SNX13: variants seen among roughly 807,000 people sequenced by gnomAD.
SNX13 encodes the protein sorting nexin-13.
SNX13 carries 45 observed loss-of-function variants against 133.6 expected under a neutral mutation model. The ratio of observed to expected loss-of-function variants is 0.34; its 90% CI spans 0.27 to 0.43. The LOEUF (loss-of-function observed/expected upper bound fraction) is 0.43, where lower values mean the gene tolerates loss of function less well. Among genes scored for constraint, SNX13 ranks in the 20% least tolerant of loss-of-function variants. SNX13 has a pLI of 1.00. For missense variants in SNX13, 1,032 were observed against 1,145.1 expected (o/e 0.90, Z 1.43); for synonymous variants, 414 against 373.9 (o/e 1.11, Z -1.24).
chr7:17,794,451 G>A (rs1361637949), intron 25 of SNX13, 159 bp from the exon 26 acceptor site: 1 of 801,638 alleles, frequency 1.2e-6, no homozygotes, highest in Non-Finnish European at 1.9e-6. Context: ...AACTTAATAT[G>A]CATCTTTGCA....
intron 20 of SNX13, among the ~76,000 whole-genome samples, chr7:17,809,226 A>T (rs1343541239): frequency 6.7e-6 from 1 of 149,590 alleles, no homozygotes; most frequent in Non-Finnish European, 1.5e-5. Flanking sequence ...ACATGCAAAG[A>T]CACACATAGG....
intron 1 of SNX13, chr7:17,899,457 T>C (rs1263417494): frequency 2.0e-5 from 3 of 152,108 alleles, no homozygotes; most frequent in African/African-American, 7.2e-5. Context: ...ATTTGCCCTT[T>C]TGAGGCTATT....
At chr7:17,796,268 C>T (rs1291801467) in intron 25 of SNX13, 1 of 151,804 alleles carries the variant, frequency 6.6e-6, no homozygotes, top group Non-Finnish European at 1.5e-5. Context: ...CAACAAAATG[C>T]TACTAAGTAT....
chr7:17,816,274 T>C lies in SNX13; in HGVS notation c.1861A>G (p.Ser621Gly). Reference protein sequence around the residue: ...RITEQFESLSSILKLPGKKTF... With the variant: ...RITEQFESLSGILKLPGKKTF... ...TTTTTTCCAGGAAGTTTCAATATGC[T>C]TGAGAGACTTTCAAACTGTAAGACA... Residue 621 changes from serine (S) to glycine (G), a missense_variant, in exon 19 of 26, where the codon AGC becomes GGC. By Grantham distance (56) the Ser-to-Gly change is moderately conservative. Transcript: ENST00000428135. 1 of 1,541,556 alleles carries C rather than the reference T, an allele frequency of 6.5e-7. No individual in the cohort carries two copies. Among genetic ancestry groups the C allele is most frequent in the Non-Finnish European group, 8.8e-7 (1 of 1,142,018 alleles).
chr7:17,849,244 T>C (rs943135588), intron 11 of SNX13, among the ~76,000 whole-genome samples: 1 of 152,206 alleles, frequency 6.6e-6, no homozygotes, highest in Non-Finnish European at 1.5e-5. Context: ...CCACTATTTA[T>C]ACAGTTGCTC....
intron 21 of SNX13, among the ~76,000 whole-genome samples, chr7:17,802,239 C>T (rs1437154453): frequency 1.3e-5 from 2 of 151,908 alleles, no homozygotes; most frequent in Admixed American, 6.6e-5. Context: ...TATGATGCTC[C>T]CAGATGATGA....
chr7:17,846,893 A>G (rs1021093217), intron 11 of SNX13, among the ~76,000 whole-genome samples: 1 of 152,174 alleles, frequency 6.6e-6, no homozygotes, highest in Non-Finnish European at 1.5e-5. Flanking sequence ...GGTTTCTAAG[A>G]TTTCAAGATA....
At chr7:17,857,898 T>A (rs987652217) in intron 9 of SNX13, among the ~76,000 whole-genome samples, 1 of 152,174 alleles carries the variant, frequency 6.6e-6, no homozygotes. Context: ...ATAAGCATAA[T>A]ACATGATGTT....
intron 9 of SNX13, among the ~76,000 whole-genome samples, chr7:17,857,074 G>A (rs1465603154): frequency 2.6e-5 from 4 of 152,050 alleles, no homozygotes; most frequent in Middle Eastern, 3.4e-3. Context: ...TGATACAACT[G>A]AAATATAAAG....
At chr7:17,888,389 G>A in intron 5 of SNX13, 1 of 212,320 alleles carries the variant, frequency 4.7e-6, no homozygotes, top group Non-Finnish European at 9.5e-6. Context: ...GAAAAGAAAG[G>A]TGACTAGGGG....
chr7:17,835,966 G>C (rs987925426), intron 13 of SNX13, among the ~76,000 whole-genome samples: 1 of 151,924 alleles, frequency 6.6e-6, no homozygotes, highest in African/African-American at 2.4e-5. Context: ...ACAAACATTA[G>C]AGAGGAATAT....
intron 5 of SNX13, chr7:17,888,597 G>A: frequency 2.3e-6 from 1 of 439,404 alleles, no homozygotes; most frequent in South Asian, 1.7e-5. Context: ...TAAAATTATG[G>A]GTGTTGGATG....
Position 17,826,049 on chromosome 7 carries a change from G to T in SNX13, c.1678C>A (p.Gln560Lys). 6.4e-7 allele frequency: 1 copy of T among 1,559,996 alleles called. No homozygotes were observed. Among genetic ancestry groups the T allele is most frequent in the East Asian group, 2.3e-5 (1 of 42,582 alleles). ...GTGTCTGAAATGTAGGCATGAAGTT[G>T]TACTGAGTCATCAGAAGAAACATTT... The part of the protein sequence containing the change: ...LSNVSSDDSV[Q>K]LHAYISDTGV... The change falls in exon 17 of 26, where the codon CAA (glutamine) becomes AAA (lysine). Residue 560 changes from glutamine to lysine, a missense_variant. Transcript: ENST00000428135.
chr7:17,873,866 T>C (rs1011303689), intron 7 of SNX13, among the ~76,000 whole-genome samples: 3 of 152,172 alleles, frequency 2.0e-5, no homozygotes, highest in African/African-American at 7.2e-5. Context: ...CATAAAAAAA[T>C]TTCGTTACAA....
intron 15 of SNX13, among the ~76,000 whole-genome samples, chr7:17,832,685 G>C (rs527378856): frequency 1.6e-3 from 237 of 151,418 alleles, no homozygotes; most frequent in African/African-American, 5.4e-3. Flanking sequence ...ATTCAACTCA[G>C]AGAAGAACTC....
At chr7:17,938,858 T>C (rs1802422036) in intron 1 of SNX13, among the ~76,000 whole-genome samples, 2 of 152,218 alleles carry the variant, frequency 1.3e-5, no homozygotes, top group Non-Finnish European at 2.9e-5. Context: ...CACTAAAATA[T>C]CACACTTAAG....
At chr7:17,794,342 G>A in intron 25 of SNX13, 50 bp from the exon 26 acceptor site, 1 of 1,562,774 alleles carries the variant, frequency 6.4e-7, no homozygotes, top group South Asian at 1.2e-5. Flanking sequence ...GAAACACAAG[G>A]CCTAAACTCT....
intron 1 of SNX13, chr7:17,899,904 A>ATTGCAGTCT (rs1212027328): frequency 3.3e-5 from 5 of 152,102 alleles, no homozygotes; most frequent in Non-Finnish European, 7.3e-5. Flanking sequence ...TTAGGCATTT[A>ATTGCAGTCT]TTGCAGTCTT....
chr7:17,918,955 G>T (rs1377826739), intron 1 of SNX13, among the ~76,000 whole-genome samples: 1 of 152,172 alleles, frequency 6.6e-6, no homozygotes, highest in Non-Finnish European at 1.5e-5. Context: ...ATGGATGCAG[G>T]TGGAGGCCAT....
Sources: gnomAD v4.1 joint callset for allele counts (sites outside exome capture counted in the v4.1 genomes callset) on GRCh38, gnomAD v4.1.1 for gene constraint, MANE v1.5 for transcripts, NCBI Gene and HGNC (gene_info 2026-07-23, HGNC 2026-07-21) for gene names.